Variants in SPTLC1 observed in about 807,000 individuals in gnomAD.
SPTLC1 encodes serine palmitoyltransferase 1.
Under a neutral mutation model 68.9 loss-of-function variants are expected in SPTLC1, and 55 were observed. The observed-to-expected ratio is 0.80, with a 90% CI of 0.64 to 1.00. The LOEUF (loss-of-function observed/expected upper bound fraction) is 1.00, where lower values mean the gene tolerates loss of function less well. Among genes scored for constraint, SPTLC1 ranks in the 50% least tolerant of loss-of-function variants. The pLI is 0.00. For synonymous variants in SPTLC1, 197 were observed against 201.6 expected, an observed-to-expected ratio of 0.98 and a Z score of 0.19; for missense variants, 449 against 573.1, an observed-to-expected ratio of 0.78 and a Z score of 2.21.
chr9:92,034,880 T>G lies in SPTLC1; in HGVS notation c.1258A>C (p.Met420Leu). The G allele has an allele frequency of 1.9e-6, 3 of 1,614,124 alleles. No homozygotes were observed. The highest frequency in any genetic ancestry group is 2.5e-6 in the Non-Finnish European group (3 of 1,179,958). Reference sequence around the variant, plus strand: ...TGAGTTAATGCAATACTTCTGTTCATGCACTGTAGGAAGAAAAAGAAGACA... The same window carrying G: ...TGAGTTAATGCAATACTTCTGTTCAGGCACTGTAGGAAGAAAAAGAAGACA... ...RLLQEIVDQC[M>L]NRSIALTQAR... Residue 420 changes from methionine (M) to leucine (L), a missense_variant, in exon 14 of 15, where the codon ATG (methionine) becomes CTG (leucine). Physicochemically the swap from Met to Leu is conservative, Grantham distance 15 (BLOSUM62 2). This residue lies in a region of SPTLC1 where 391 missense variants were observed against 472.1 expected (regional missense o/e 0.83). Coordinates refer to ENST00000262554, the MANE Select transcript of SPTLC1 (RefSeq NM_006415.4).
intron 8 of SPTLC1, chr9:92,051,318 G>A: frequency 1.1e-6 from 1 of 950,410 alleles, no homozygotes; most frequent in Non-Finnish European, 1.3e-6. Context: ...GGTTCAACAT[G>A]GAAAAATCAA....
chr9:92,081,899 G>C (rs929588598), intron 3 of SPTLC1, among the ~76,000 whole-genome samples: 2 of 152,160 alleles, frequency 1.3e-5, no homozygotes, highest in African/African-American at 2.4e-5. Context: ...GGTCATCCTT[G>C]AGAAAACACA....
intron 3 of SPTLC1, among the ~76,000 whole-genome samples, chr9:92,086,790 G>C (rs964277315): frequency 5.9e-5 from 9 of 152,308 alleles, no homozygotes; most frequent in African/African-American, 7.2e-5. Context: ...ATGTTGGCCT[G>C]CCTTGCTAGA....
chr9:92,094,335 T>C (rs999805860), intron 3 of SPTLC1, among the ~76,000 whole-genome samples: 7 of 152,348 alleles, frequency 4.6e-5, no homozygotes, highest in African/African-American at 1.7e-4. Context: ...TACAATGATG[T>C]TTTCTTGTCA....
rs117857132 is a variant in SPTLC1, at chr9:92,056,022, C to A, written c.691-528G>T. ...TGATAACAAAGCTGGGAGAAGGGTA[C>A]AGGGGGCTTCACTATACCACTGTGT... On this transcript the variant is annotated intron_variant, in intron 7 of 14. Coordinates refer to ENST00000262554, the MANE Select transcript of SPTLC1 (RefSeq NM_006415.4). 1.2e-3 allele frequency among the ~76,000 whole-genome samples: 182 copies of A among 152,278 alleles called. 2 individuals carry two copies. In the East Asian group the frequency reaches 0.032, roughly 27 times the overall value.
chr9:92,093,672 G>A (rs956207126), intron 3 of SPTLC1, among the ~76,000 whole-genome samples: 3 of 152,132 alleles, frequency 2.0e-5, no homozygotes, highest in Non-Finnish European at 4.4e-5. Context: ...TGAAGGGATG[G>A]CTCAACATTT....
chr9:92,071,805 T>C (rs1009016528), intron 5 of SPTLC1, among the ~76,000 whole-genome samples: 2 of 152,252 alleles, frequency 1.3e-5, no homozygotes, highest in African/African-American at 4.8e-5. Flanking sequence ...GGCTAGTACC[T>C]GTCTTAGCTG....
At chr9:92,050,213 C>T (rs1833660504) in intron 8 of SPTLC1, 146 bp from the exon 9 acceptor site, 1 of 641,214 alleles carries the variant, frequency 1.6e-6, no homozygotes, top group Admixed American at 2.5e-5. Flanking sequence ...CTTATTAAAA[C>T]TTATTTGCAA....
chr9:92,041,984 G>C (rs982546273), intron 12 of SPTLC1, among the ~76,000 whole-genome samples: 5 of 152,172 alleles, frequency 3.3e-5, no homozygotes, highest in Admixed American at 1.3e-4. Context: ...CCAACTAGTT[G>C]GAAGGTGAAG....
At chr9:92,092,259 TCAA>T (rs1835387861) in intron 3 of SPTLC1, among the ~76,000 whole-genome samples, 1 of 152,102 alleles carries the variant, frequency 6.6e-6, no homozygotes, top group Admixed American at 6.5e-5. Flanking sequence ...AAAGCAAGTG[TCAA>T]CAAGAGCAGC....
chr9:92,032,603 C>A lies in SPTLC1; in HGVS notation c.1329-45G>T, dbSNP rs372893288. ...CAAAGAATTATCTTTGTGGGCCAGG[C>A]GCAGTGGCTCACGCCTGTAATCCCA... On this transcript the variant is annotated intron_variant, in intron 14 of 14. Coordinates refer to ENST00000262554, the MANE Select transcript of SPTLC1 (RefSeq NM_006415.4). 4.3e-6 allele frequency: 7 copies of A among 1,612,636 alleles called. No homozygotes were observed. The East Asian group carries it at 1.1e-4, about 26-fold the overall frequency.
In SPTLC1 at chr9:92,067,434, C is replaced by T. The variant is rs561615000; in HGVS notation, c.560+532G>A. 2.0e-5 allele frequency among the ~76,000 whole-genome samples: 3 copies of T among 152,354 alleles called. No individual in the cohort carries two copies. The South Asian group carries it at 6.2e-4, about 32-fold the overall frequency. On this transcript the variant is annotated intron_variant, in intron 6 of 14. Coordinates refer to ENST00000262554, the MANE Select transcript of SPTLC1 (RefSeq NM_006415.4). The stretch of plus-strand genomic sequence containing the variant: ...ACTGGTTTAACCAGCTGCCTGGGGC[C>T]TGCCAGCCCTTGCTTGGCTGTACCC...
Position 92,032,094 on chromosome 9 carries a change from G to T in SPTLC1, c.*371C>A. 1 of 591,758 alleles carries T rather than the reference G, an allele frequency of 1.7e-6. No homozygotes were observed. The highest frequency in any genetic ancestry group is 2.9e-6 in the Non-Finnish European group (1 of 342,998). The allele number at this position is 591,758 out of a possible 1,614,324, so 36.7% of individuals were successfully genotyped here. ...ACTAAGGAGTTAAGGAGTGCTTACT[G>T]AACCATTACTATTAGAGGGAGGGAA... On this transcript the variant is annotated 3_prime_UTR_variant, in exon 15 of 15. Transcript: ENST00000262554.
chr9:92,040,528 G>A (rs1833307528), intron 12 of SPTLC1, among the ~76,000 whole-genome samples: 1 of 151,992 alleles, frequency 6.6e-6, no homozygotes. Flanking sequence ...GGATGCCAAG[G>A]TTGGGGGGAT....
chr9:92,051,958 T>C lies in SPTLC1; in HGVS notation c.781-1891A>G, dbSNP rs78883690. Among the ~76,000 whole-genome samples the C allele has an allele frequency of 7.9e-3, 1,206 of 152,220 alleles. 20 individuals carry two copies. Among genetic ancestry groups the C allele is most frequent in the African/African-American group, 0.028 (1,149 of 41,544 alleles). On this transcript the variant is annotated intron_variant, in intron 8 of 14. Transcript: ENST00000262554. ...AACATTGCTGAAGGAAATATCTAAA[T>C]AGATGGAAAAATCCCAAGTTCATGG...
intron 3 of SPTLC1, among the ~76,000 whole-genome samples, chr9:92,103,939 C>T (rs1379831537): frequency 6.6e-6 from 1 of 152,182 alleles, no homozygotes; most frequent in Non-Finnish European, 1.5e-5. Context: ...CACACACCTG[C>T]CCCCAGGAGC....
chr9:92,080,830 G>A (rs1490619768), intron 4 of SPTLC1, 40 bp downstream of exon 4: 1 of 1,482,782 alleles, frequency 6.7e-7, no homozygotes, highest in African/African-American at 1.4e-5. Flanking sequence ...TCTTAAATCA[G>A]TAATGTTATC....
intron 3 of SPTLC1, among the ~76,000 whole-genome samples, chr9:92,096,238 C>G (rs891438379): frequency 6.6e-6 from 1 of 152,228 alleles, no homozygotes; most frequent in East Asian, 1.9e-4. Context: ...AATAAACGAA[C>G]AGGTCCCTGT....
At chr9:92,068,580 T>C (rs73512339) in intron 5 of SPTLC1, among the ~76,000 whole-genome samples, 13,313 of 152,278 alleles carry the variant, frequency 0.087, 1,127 homozygotes, top group African/African-American at 0.23. Context: ...CATTTAGTAG[T>C]GGCACCTCCC....
Sources: gnomAD v4.1 joint callset for allele counts (sites outside exome capture counted in the v4.1 genomes callset) on GRCh38, gnomAD v4.1.1 for gene constraint, gnomAD v4.1.1 regional missense constraint, MANE v1.5 for transcripts, NCBI Gene and HGNC (gene_info 2026-07-23, HGNC 2026-07-21) for gene names.